The following DTX4 variants were observed in gnomAD, a reference collection of about 807,000 sequenced individuals.
DTX4 encodes the protein E3 ubiquitin-protein ligase DTX4.
Under a neutral mutation model 57.6 loss-of-function variants are expected in DTX4, and 28 were observed. The ratio of observed to expected loss-of-function variants is 0.49; its 90% CI spans 0.36 to 0.67. The LOEUF is 0.67. Ranked by LOEUF, DTX4 falls within the 30% of genes least tolerant of loss-of-function variation. The pLI is 0.00. For synonymous variants in DTX4, 316 were observed against 331.0 expected (o/e 0.95, Z 0.49); for missense variants, 715 against 836.8 (o/e 0.85, Z 1.80).
chr11:59,188,763 A>G lies in DTX4; in HGVS notation c.964A>G (p.Asn322Asp). The G allele has an allele frequency of 1.2e-6, 2 of 1,613,982 alleles. No homozygotes were observed. The highest frequency in any genetic ancestry group is 1.7e-6 in the Non-Finnish European group (2 of 1,179,874). The change falls in exon 3 of 9, where the codon AAT becomes GAT. Residue 322 changes from asparagine to aspartate, a missense_variant. Transcript: ENST00000227451. ...GVPTVPVKNL[N>D]GSSPVNPALA... Reference sequence around the variant, plus strand: ...CCCCACAGTCCCAGTGAAGAACCTAAATGGGTCCAGTCCTGTCAACCCTGC... The same window carrying G: ...CCCCACAGTCCCAGTGAAGAACCTAGATGGGTCCAGTCCTGTCAACCCTGC...
chr11:59,189,061 T>C, intron 3 of DTX4, 101 bp from the exon 4 acceptor site: 6 of 1,405,950 alleles, frequency 4.3e-6, no homozygotes, highest in Middle Eastern at 2.4e-4. Flanking sequence ...GAGAACTTTC[T>C]GCTGGAAAGG....
intron 4 of DTX4, 99 bp downstream of exon 4, chr11:59,189,422 C>A: frequency 3.3e-6 from 4 of 1,216,172 alleles, no homozygotes; most frequent in Non-Finnish European, 2.3e-6. Context: ...CGGCTTCACC[C>A]TCTGTGCCTC....
At chr11:59,195,653 G>T (rs544964794) in intron 7 of DTX4, among the ~76,000 whole-genome samples, 1 of 151,720 alleles carries the variant, frequency 6.6e-6, no homozygotes, top group Non-Finnish European at 1.5e-5. Context: ...GGCACCCTGC[G>T]CTTTTCAGTT....
At chr11:59,181,665 A>C in intron 1 of DTX4, 74 bp from the exon 2 acceptor site, 6 of 1,526,844 alleles carry the variant, frequency 3.9e-6, no homozygotes, top group Non-Finnish European at 5.3e-6. Flanking sequence ...TGGCAATGGC[A>C]TGACTTGTTA....
chr11:59,203,140 G>A (rs1862759587), intron 8 of DTX4, among the ~76,000 whole-genome samples: 1 of 152,222 alleles, frequency 6.6e-6, no homozygotes, highest in South Asian at 2.1e-4. Flanking sequence ...GGACATTGCT[G>A]TGCACTACTA....
chr11:59,180,631 G>A (rs956119506), intron 1 of DTX4, among the ~76,000 whole-genome samples: 3 of 151,948 alleles, frequency 2.0e-5, no homozygotes, highest in African/African-American at 4.8e-5. Context: ...GGCCCTCCCC[G>A]ACCTCCCCAC....
At chr11:59,188,960 T>A (rs943081116) in intron 3 of DTX4, among the ~76,000 whole-genome samples, 164 bp downstream of exon 3, 7 of 152,222 alleles carry the variant, frequency 4.6e-5, no homozygotes, top group Admixed American at 2.0e-4. Context: ...GGAAGAGAAC[T>A]GATTACTAAA....
intron 1 of DTX4, among the ~76,000 whole-genome samples, chr11:59,175,943 T>C (rs985558915): frequency 1.3e-5 from 2 of 152,036 alleles, no homozygotes; most frequent in Non-Finnish European, 2.9e-5. Flanking sequence ...ATTTCTTCTT[T>C]CCCTCTTTTT....
chr11:59,194,198 G>C (rs1454311138), intron 6 of DTX4, among the ~76,000 whole-genome samples: 1 of 152,144 alleles, frequency 6.6e-6, no homozygotes, highest in Non-Finnish European at 1.5e-5. Context: ...ATCTTGCTGT[G>C]CCTCGATTTT....
In DTX4 at chr11:59,195,291, C is replaced by T. The variant is rs772120536; in HGVS notation, c.1458C>T (p.His486=). 6.2e-7 allele frequency: 1 copy of T among 1,613,958 alleles called. No individual in the cohort carries two copies. The change falls in exon 7 of 9, where the codon CAC becomes CAT. Residue 486 remains histidine, a synonymous_variant. Transcript: ENST00000227451. ...GTQPPGKMEY[H]LIPHSLPGHP... is the part of the protein sequence containing the mutation. Reference sequence around the variant, plus strand: ...AACCTCCAGGGAAGATGGAGTACCACCTCATCCCCCACTCCTTGCCTGGCC... The same window carrying T: ...AACCTCCAGGGAAGATGGAGTACCATCTCATCCCCCACTCCTTGCCTGGCC...
At chr11:59,199,486 C>G (rs1862714529) in intron 7 of DTX4, among the ~76,000 whole-genome samples, 198 bp from the exon 8 acceptor site, 1 of 152,216 alleles carries the variant, frequency 6.6e-6, no homozygotes, top group Non-Finnish European at 1.5e-5. Context: ...GAGGTAGCAG[C>G]TCTGCATCCA....
chr11:59,192,118 A>G lies in DTX4; in HGVS notation c.1242A>G (p.Glu414=). 6.2e-7 allele frequency: 1 copy of G among 1,613,588 alleles called. No homozygotes were observed. The highest frequency in any genetic ancestry group is 1.1e-5 in the South Asian group (1 of 91,062). The part of the protein sequence containing the change: ...PPDEDCTICM[E]RLTAPSGYKG... ...CCCAGGACTGCACCATCTGTATGGA[A>G]CGCCTCACGGCCCCCTCAGGCTACA... Residue 414 remains glutamate, a synonymous_variant, in exon 6 of 9, where the codon GAA becomes GAG. Transcript: ENST00000227451.
rs925237559 is a variant in DTX4 at position 59,182,087 on chromosome 11, C to A, written c.560C>A (p.Ser187Tyr). 9 of 1,612,818 alleles carry A rather than the reference C, an allele frequency of 5.6e-6. No individual in the cohort carries two copies. The highest frequency in any genetic ancestry group is 7.6e-6 in the Non-Finnish European group (9 of 1,179,282). ...SPGPATSPPM[S>Y]PCSCPQCVLV... ...GGGCCAGCCACCTCGCCCCCCATGT[C>A]CCCCTGCTCCTGTCCCCAGTGTGTC... Residue 187 changes from serine to tyrosine, a missense_variant, in exon 2 of 9, where the codon TCC (serine) becomes TAC (tyrosine). Ser to Tyr is a moderately radical substitution (Grantham distance 144). Transcript: ENST00000227451.
At chr11:59,195,437 TA>T (rs3841744) in intron 7 of DTX4, 68 bp downstream of exon 7, 376,127 of 1,500,266 alleles carry the variant, frequency 0.25, 50,745 homozygotes, top group Admixed American at 0.28. Flanking sequence ...TGTTTGTAGG[TA>T]AAAAGTTACA....
chr11:59,207,291 A>G lies in DTX4; in HGVS notation c.*2382A>G, dbSNP rs778685900. 2.0e-4 allele frequency: 30 copies of G among 152,508 alleles called. No homozygotes were observed. The highest frequency in any genetic ancestry group is 3.7e-4 in the Non-Finnish European group (25 of 68,266). The allele number at this position is 152,508 out of a possible 1,614,324, so 9.4% of individuals were successfully genotyped here. On this transcript the variant is annotated 3_prime_UTR_variant, in exon 9 of 9. Coordinates refer to ENST00000227451, the MANE Select transcript of DTX4 (RefSeq NM_015177.2). The stretch of plus-strand genomic sequence containing the variant: ...GGGGAAGGGGGTGGCCAGGAGCAGA[A>G]GGAAGAAGACTCAAGATGGAAAGGG...
intron 1 of DTX4, among the ~76,000 whole-genome samples, chr11:59,180,652 G>A (rs944572623): frequency 2.6e-5 from 4 of 152,186 alleles, no homozygotes; most frequent in East Asian, 1.9e-4. Context: ...CCTGCCCTGA[G>A]CTAGACATCT....
chr11:59,193,671 A>G (rs1230691044), intron 6 of DTX4, among the ~76,000 whole-genome samples: 1 of 152,162 alleles, frequency 6.6e-6, no homozygotes, highest in Non-Finnish European at 1.5e-5. Context: ...TTTTGCACTA[A>G]TACTTTGAAG....
chr11:59,172,293 T>A lies in DTX4; in HGVS notation c.-303T>A, dbSNP rs1862334751. ...GAGTGGCTTTTGCAAGGCGGGGGCC[T>A]GTTTGCAGAGAGCCGGGCATTTGCA... is the stretch of plus-strand genomic sequence containing the variant. On this transcript the variant is annotated 5_prime_UTR_variant, in exon 1 of 9. Coordinates refer to ENST00000227451, the MANE Select transcript of DTX4 (RefSeq NM_015177.2). 1.3e-5 allele frequency among the ~76,000 whole-genome samples: 2 copies of A among 151,674 alleles called. No homozygotes were observed. Among genetic ancestry groups the A allele is most frequent in the Admixed American group, 1.3e-4 (2 of 15,256 alleles).
chr11:59,199,818 C>G (rs550609857), intron 8 of DTX4, 45 bp downstream of exon 8: 1 of 1,507,722 alleles, frequency 6.6e-7, no homozygotes, highest in Admixed American at 2.0e-5. Flanking sequence ...TAGAATAGAT[C>G]GGGCAGTTTA....
Sources: allele counts gnomAD v4.1 joint callset (sites outside exome capture counted in the v4.1 genomes callset), GRCh38; gene constraint gnomAD v4.1.1; transcripts MANE v1.5; gene names NCBI Gene and HGNC (gene_info 2026-07-23, HGNC 2026-07-21).